Variants in FAM133B observed in about 807,000 individuals in gnomAD.
FAM133B encodes the protein protein FAM133B.
A neutral mutation model predicts 46.4 loss-of-function variants in FAM133B; 25 were observed. The observed-to-expected ratio is 0.54, with a 90% confidence interval of 0.39 to 0.75. The LOEUF (loss-of-function observed/expected upper bound fraction) is 0.75. FAM133B is among the 30% of genes least tolerant of loss of function. The pLI, the probability that FAM133B is intolerant of heterozygous loss-of-function variation, is 0.00. For missense variants in FAM133B, 205 were observed against 277.6 expected (o/e 0.74, Z 1.86); for synonymous variants, 75 against 86.0 (o/e 0.87, Z 0.71).
intron 1 of FAM133B, 64 bp downstream of exon 1, chr7:92,590,204 G>A: frequency 1.2e-6 from 2 of 1,612,398 alleles, no homozygotes; most frequent in Non-Finnish European, 1.7e-6. Context: ...GGAACAGCGA[G>A]GGTTCTCGCT....
At chr7:92,577,250 A>T in intron 6 of FAM133B, 55 bp from the exon 7 acceptor site, 1 of 1,211,076 alleles carries the variant, frequency 8.3e-7, no homozygotes, top group Non-Finnish European at 1.1e-6. Context: ...TCTAATTTAC[A>T]CATTTATTAA....
At chr7:92,587,724 A>G (rs1795076110) in intron 1 of FAM133B, among the ~76,000 whole-genome samples, 2 of 152,170 alleles carry the variant, frequency 1.3e-5, no homozygotes, top group South Asian at 4.1e-4. Flanking sequence ...AGAGTGAGAT[A>G]CTGTGTCTAA....
chr7:92,574,778 G>A lies in FAM133B; in HGVS notation c.516+993C>T, dbSNP rs374832775. On this transcript the variant is annotated intron_variant, in intron 8 of 10. Coordinates refer to ENST00000445716, the MANE Select transcript of FAM133B (RefSeq NM_152789.4). ...AAATTAGCCGGGCGCGGTGGCGGGC[G>A]CCTGTAGTCCCAGCTACTCGGGAGG... 1.3e-3 allele frequency among the ~76,000 whole-genome samples: 194 copies of A among 151,840 alleles called. 1 individual carries two copies. Among genetic ancestry groups the A allele is most frequent in the South Asian group, 7.7e-3 (37 of 4,784 alleles).
Position 92,581,577 on chromosome 7 carries a change from C to A in FAM133B, c.51G>T (p.Ala17=), listed in dbSNP as rs749982176. Reference sequence around the variant, plus strand: ...AAGACTGGATTGGACCCCTTGATCTCGCCATTGCTATTGGGTTCATATAGG... The same window carrying A: ...AAGACTGGATTGGACCCCTTGATCTAGCCATTGCTATTGGGTTCATATAGG... The part of the protein sequence containing the change: ...RVAYMNPIAM[A]RSRGPIQSSG... The change falls in exon 2 of 11, where the codon GCG becomes GCT. Residue 17 remains alanine, a synonymous_variant. Transcript: ENST00000445716. 2 of 1,613,664 alleles carry A rather than the reference C, an allele frequency of 1.2e-6. No homozygotes were observed. Among genetic ancestry groups the A allele is most frequent in the Admixed American group, 3.3e-5 (2 of 59,998 alleles).
In FAM133B at chr7:92,567,311, A is replaced by T. The variant is rs146830691; in HGVS notation, c.610-1250T>A. On this transcript the variant is annotated intron_variant, in intron 9 of 10. Transcript: ENST00000445716. The stretch of plus-strand genomic sequence containing the variant: ...CCAAATGTGAGATATTTCATATTAA[A>T]CTTGCTACCATGTAGCAGACAAACA... Among the ~76,000 whole-genome samples, 186 of 152,366 alleles carry T rather than the reference A, an allele frequency of 1.2e-3. 2 individuals are homozygous for T. The highest frequency in any genetic ancestry group is 4.3e-3 in the African/African-American group (177 of 41,592).
chr7:92,579,118 G>C, intron 3 of FAM133B, 199 bp downstream of exon 3: 1 of 528,452 alleles, frequency 1.9e-6, no homozygotes, highest in Non-Finnish European at 3.4e-6. Context: ...TTAACTGAGA[G>C]AGCTATGCCC....
intron 1 of FAM133B, among the ~76,000 whole-genome samples, chr7:92,585,617 G>C (rs982541918): frequency 6.6e-6 from 1 of 152,096 alleles, no homozygotes; most frequent in Non-Finnish European, 1.5e-5. Flanking sequence ...CATAGTTCCT[G>C]ATAAGAAAAT....
In FAM133B at chr7:92,577,709, A is replaced by T. The variant is rs1053825216; in HGVS notation, c.318T>A (p.Ser106=). The T allele has an allele frequency of 3.2e-6, 5 of 1,579,208 alleles. No homozygotes were observed. The highest frequency in any genetic ancestry group is 4.3e-6 in the Non-Finnish European group (5 of 1,161,322). The change falls in exon 6 of 11, where the codon TCT becomes TCA. Residue 106 remains serine (S), a synonymous_variant. Coordinates refer to ENST00000445716, the MANE Select transcript of FAM133B (RefSeq NM_152789.4). ...KEKKKSGRYS[S]SSSSSSDSSS... The stretch of plus-strand genomic sequence containing the variant: ...AAGAATCAGAGCTTGATGAAGAAGA[A>T]GATGAATACTTGACCAAGCACAAAA...
chr7:92,573,827 T>C (rs1315678334), intron 8 of FAM133B, among the ~76,000 whole-genome samples: 1 of 152,050 alleles, frequency 6.6e-6, no homozygotes, highest in Non-Finnish European at 1.5e-5. Context: ...CCTTGAATTC[T>C]TGGAATTGGT....
At chr7:92,589,430 C>T (rs940916865) in intron 1 of FAM133B, among the ~76,000 whole-genome samples, 22 of 152,204 alleles carry the variant, frequency 1.4e-4, no homozygotes, top group Non-Finnish European at 2.9e-5. Context: ...GTTATTTATG[C>T]ATCTCTTTTA....
chr7:92,580,427 G>A lies in FAM133B; in HGVS notation c.123-1032C>T, dbSNP rs536817805. ...CTGGAATTTTGGTACATGACAGGCA[G>A]AGGCTGACCAGCCTCAATAAAAACC... On this transcript the variant is annotated intron_variant, in intron 2 of 10. Transcript: ENST00000445716. Among the ~76,000 whole-genome samples, 31 of 152,258 alleles carry A rather than the reference G, an allele frequency of 2.0e-4. 1 individual carries two copies. In the South Asian group the frequency reaches 6.0e-3, roughly 29 times the overall value.
chr7:92,572,063 G>A (rs1794548644), intron 8 of FAM133B, among the ~76,000 whole-genome samples: 1 of 152,086 alleles, frequency 6.6e-6, no homozygotes, highest in Admixed American at 6.5e-5. Flanking sequence ...CAATGATTAT[G>A]TGACTTAAAA....
At chr7:92,579,501 A>ACTT in intron 2 of FAM133B, 106 bp from the exon 3 acceptor site, 9 of 719,404 alleles carry the variant, frequency 1.3e-5, no homozygotes, top group Non-Finnish European at 2.1e-5. Flanking sequence ...ATTCTAATAG[A>ACTT]CTTCTATTCA....
intron 3 of FAM133B, chr7:92,579,114 G>C (rs1206101472): frequency 1.9e-6 from 1 of 518,512 alleles, no homozygotes; most frequent in Admixed American, 3.9e-5. Flanking sequence ...CTCTTTAACT[G>C]AGAGAGCTAT....
intron 1 of FAM133B, chr7:92,589,992 C>A (rs1371730412): frequency 7.5e-6 from 4 of 536,672 alleles, no homozygotes; most frequent in Non-Finnish European, 1.3e-5. Flanking sequence ...ACTGGGGGCC[C>A]GCGTACAGCA....
chr7:92,570,728 C>CA lies in FAM133B; in HGVS notation c.517-814dup, dbSNP rs1159493947. 2.6e-5 allele frequency among the ~76,000 whole-genome samples: 4 copies of CA among 152,028 alleles called. No homozygotes were observed. The East Asian group carries it at 7.7e-4, about 29-fold the overall frequency. ...GCGTGAGTCTAATTTTGAAGACAAA[C>CA]AAAAATGCAGAAAATAAACTAACAG... On this transcript the variant is annotated intron_variant, in intron 8 of 10. Coordinates refer to ENST00000445716, the MANE Select transcript of FAM133B (RefSeq NM_152789.4).
chr7:92,581,815 T>C (rs1794884486), intron 1 of FAM133B: 2 of 462,104 alleles, frequency 4.3e-6, no homozygotes, highest in Non-Finnish European at 3.9e-6. Flanking sequence ...TGTGTGTGTG[T>C]GTGTGTGTGT....
Position 92,577,459 on chromosome 7 carries a change from T to C in FAM133B, c.372+196A>G, listed in dbSNP as rs75491527. The C allele has an allele frequency of 2.9e-3, 1,332 of 458,730 alleles. 34 individuals are homozygous for C. In the East Asian group the frequency reaches 0.045, roughly 15 times the overall value. The allele number at this position is 458,730 out of a possible 1,614,324, so 28.4% of individuals were successfully genotyped here. On this transcript the variant is annotated intron_variant, in intron 6 of 10. Coordinates refer to ENST00000445716, the MANE Select transcript of FAM133B (RefSeq NM_152789.4). ...ATTTTTAGGTCAACAAAACAAATTT[T>C]AAAATCTAAAAAATATATTATATAC...
At chr7:92,589,919 G>C (rs1045934721) in intron 1 of FAM133B, 9 of 376,444 alleles carry the variant, frequency 2.4e-5, no homozygotes, top group Non-Finnish European at 3.4e-5. Context: ...CTAAGTCTTC[G>C]GAGTTACATG....
Sources: allele counts gnomAD v4.1 joint callset (sites outside exome capture counted in the v4.1 genomes callset), GRCh38; gene constraint gnomAD v4.1.1; transcripts MANE v1.5; gene names NCBI Gene and HGNC (gene_info 2026-07-23, HGNC 2026-07-21).